VIPR2: variants seen among roughly 807,000 people sequenced by gnomAD.
The protein encoded by VIPR2 is vasoactive intestinal polypeptide receptor 2.
In VIPR2, 48 loss-of-function variants were observed where a neutral mutation model predicts 58.0. The observed-to-expected ratio is 0.83, with a 90% CI of 0.66 to 1.05. The LOEUF is 1.05. Ranked by LOEUF, VIPR2 falls within the 50% of genes least tolerant of loss-of-function variation. The pLI is 0.00. For synonymous variants in VIPR2, 243 were observed against 235.2 expected (o/e 1.03, Z -0.30); for missense variants, 534 against 558.0 (o/e 0.96, Z 0.43).
chr7:159,126,113 C>T (rs1442932738), intron 2 of VIPR2, among the ~76,000 whole-genome samples: 1 of 152,216 alleles, frequency 6.6e-6, no homozygotes. Context: ...CAAACCTTCC[C>T]TGCATCTGGA....
At chr7:159,094,487 G>A (rs865824792) in intron 4 of VIPR2, among the ~76,000 whole-genome samples, 2 of 152,202 alleles carry the variant, frequency 1.3e-5, no homozygotes, top group Admixed American at 6.5e-5. Context: ...TCGTGGCCAC[G>A]TGCACAGGCA....
At chr7:159,055,481 C>T (rs1285518073) in intron 5 of VIPR2, among the ~76,000 whole-genome samples, 3 of 152,092 alleles carry the variant, frequency 2.0e-5, no homozygotes, top group Non-Finnish European at 4.4e-5. Flanking sequence ...TGTAAATATG[C>T]TCTGAATTTT....
At chr7:159,135,642 G>A (rs1005863558) in intron 2 of VIPR2, among the ~76,000 whole-genome samples, 5 of 151,738 alleles carry the variant, frequency 3.3e-5, no homozygotes, top group African/African-American at 1.2e-4. Context: ...GGCCAACATG[G>A]TGAAACCCCA....
chr7:159,071,945 C>T (rs969747512), intron 4 of VIPR2, among the ~76,000 whole-genome samples: 2 of 147,788 alleles, frequency 1.4e-5, no homozygotes, highest in Non-Finnish European at 3.0e-5. Context: ...CAACAAAATC[C>T]AGAGTCCCAT....
intron 4 of VIPR2, among the ~76,000 whole-genome samples, chr7:159,068,045 C>A (rs556182987): frequency 2.6e-4 from 39 of 152,356 alleles, no homozygotes; most frequent in African/African-American, 9.1e-4. Context: ...CCATACCCAA[C>A]TCCAGAAGTG....
intron 2 of VIPR2, among the ~76,000 whole-genome samples, chr7:159,119,885 T>C (rs7787045): frequency 0.25 from 37,150 of 146,132 alleles, 7,529 homozygotes; most frequent in African/African-American, 0.56. Context: ...TAGGTGGGGT[T>C]GGAAGAAACG....
At chr7:159,132,793 C>CAGAATGATTGGCATACAGAG (rs1563355044) in intron 2 of VIPR2, among the ~76,000 whole-genome samples, 1 of 31,968 alleles carries the variant, frequency 3.1e-5, no homozygotes, top group African/African-American at 1.3e-4. Flanking sequence ...GGCATACAGA[C>CAGAATGATTGGCATACAGAG]TGATTTCAGA....
chr7:159,109,645 C>T (rs902560643), intron 3 of VIPR2, among the ~76,000 whole-genome samples, 167 bp downstream of exon 3: 1 of 152,202 alleles, frequency 6.6e-6, no homozygotes, highest in Non-Finnish European at 1.5e-5. Flanking sequence ...TGCCCTTCTG[C>T]TCCCTAAGAC....
At chr7:159,041,995 G>T (rs1406644982) in intron 6 of VIPR2, among the ~76,000 whole-genome samples, 1 of 152,068 alleles carries the variant, frequency 6.6e-6, no homozygotes, top group Non-Finnish European at 1.5e-5. Context: ...GAAAAATCTT[G>T]TTTTTAATTT....
At chr7:159,037,022 G>A (rs1228490479) in intron 6 of VIPR2, 120 bp from the exon 7 acceptor site, 8 of 1,213,382 alleles carry the variant, frequency 6.6e-6, no homozygotes, top group Non-Finnish European at 9.1e-6. Flanking sequence ...GGAGACACCG[G>A]TGCCATTGGG....
intron 4 of VIPR2, among the ~76,000 whole-genome samples, chr7:159,083,363 C>T (rs557418202): frequency 1.3e-5 from 2 of 152,358 alleles, no homozygotes; most frequent in Admixed American, 6.5e-5. Context: ...TCTCAATGGG[C>T]GCCCAGCCCA....
rs1279448879 is a variant in VIPR2, at chr7:159,127,841, C to CTGGG, written c.151+14601_151+14604dup. Reference sequence around the variant, plus strand: ...AACTCCTGCCACGGCTCGGATGCTGCTGGGGCCGCAGGGGCTTAGGGCTGG... The same window carrying CTGGG: ...AACTCCTGCCACGGCTCGGATGCTGCTGGGTGGGGCCGCAGGGGCTTAGGGCTGG... On this transcript the variant is annotated intron_variant, in intron 2 of 12. Coordinates refer to ENST00000262178, the MANE Select transcript of VIPR2 (RefSeq NM_003382.5). This position sits in a 1 kb window ranked among gnomAD's most constrained non-coding sequence, Gnocchi z 4.6. Among the ~76,000 whole-genome samples, 1 of 152,212 alleles carries CTGGG rather than the reference C, an allele frequency of 6.6e-6. No individual in the cohort carries two copies. The highest frequency in any genetic ancestry group is 1.5e-5 in the Non-Finnish European group (1 of 68,036).
chr7:159,092,650 C>CTTTT (rs60400731), intron 4 of VIPR2, among the ~76,000 whole-genome samples: 3 of 133,680 alleles, frequency 2.2e-5, no homozygotes, highest in Non-Finnish European at 4.8e-5. Flanking sequence ...CTTTTCTTTT[C>CTTTT]TTTTTTTTTT....
At chr7:159,112,305 C>T (rs1198248314) in intron 2 of VIPR2, among the ~76,000 whole-genome samples, 1 of 152,204 alleles carries the variant, frequency 6.6e-6, no homozygotes, top group African/African-American at 2.4e-5. Flanking sequence ...AGGAAGCGGA[C>T]TCGAGGGCGT....
chr7:159,123,811 C>T (rs1026154549), intron 2 of VIPR2, among the ~76,000 whole-genome samples: 1 of 152,106 alleles, frequency 6.6e-6, no homozygotes, highest in African/African-American at 2.4e-5. Context: ...TTGCCAGCAT[C>T]TGTTATTTTT....
chr7:159,064,804 C>T (rs1157401118), intron 4 of VIPR2, among the ~76,000 whole-genome samples: 1 of 152,220 alleles, frequency 6.6e-6, no homozygotes, highest in African/African-American at 2.4e-5. Flanking sequence ...TGCTGGGGCA[C>T]CGACCCTCCC....
At chr7:159,059,907 TCTCAA>T (rs1296699024) in intron 4 of VIPR2, among the ~76,000 whole-genome samples, 1 of 147,906 alleles carries the variant, frequency 6.8e-6, no homozygotes, top group Non-Finnish European at 1.5e-5. Context: ...TAACCTCCAT[TCTCAA>T]CTCATCTAAC....
intron 6 of VIPR2, among the ~76,000 whole-genome samples, chr7:159,039,152 T>C (rs1173685327): frequency 1.3e-5 from 2 of 152,196 alleles, no homozygotes; most frequent in Non-Finnish European, 2.9e-5. Flanking sequence ...AAAACAGATT[T>C]ACTACAATTT....
At chr7:159,106,829 G>A (rs539693735) in intron 3 of VIPR2, among the ~76,000 whole-genome samples, 3 of 150,036 alleles carry the variant, frequency 2.0e-5, no homozygotes, top group Non-Finnish European at 4.4e-5. Flanking sequence ...GGGAGATGCA[G>A]AGAGAGGCCA....
Sources: gnomAD v4.1 joint callset for allele counts (sites outside exome capture counted in the v4.1 genomes callset) on GRCh38, gnomAD v4.1.1 for gene constraint, Gnocchi (gnomAD v3.1) non-coding constraint, MANE v1.5 for transcripts, NCBI Gene and HGNC (gene_info 2026-07-23, HGNC 2026-07-21) for gene names.